Variants in TBC1D22A observed in about 807,000 individuals in gnomAD.
TBC1D22A encodes TBC1 domain family member 22A.
Under a neutral mutation model 60.2 loss-of-function variants are expected in TBC1D22A, and 38 were observed. The observed-to-expected ratio is 0.63, with a 90% CI of 0.49 to 0.83. The LOEUF (loss-of-function observed/expected upper bound fraction) is 0.83. TBC1D22A is among the 40% of genes least tolerant of loss of function. The pLI is 0.00. For missense variants in TBC1D22A, 628 were observed against 701.0 expected (o/e 0.90, Z 1.18); for synonymous variants, 302 against 281.7 (o/e 1.07, Z -0.72).
chr22:46,919,020 C>T (rs571247091), intron 8 of TBC1D22A, among the ~76,000 whole-genome samples: 2 of 152,236 alleles, frequency 1.3e-5, no homozygotes, highest in East Asian at 1.9e-4. Flanking sequence ...GAAACCATAA[C>T]GTTTACCCAC....
intron 11 of TBC1D22A, among the ~76,000 whole-genome samples, chr22:47,046,881 C>A (rs1306253035): frequency 1.3e-5 from 2 of 152,202 alleles, no homozygotes; most frequent in Non-Finnish European, 2.9e-5. Context: ...CCTGTGCAGG[C>A]AGCCTGGGAG....
At chr22:47,168,751 C>T (rs1251748216) in intron 12 of TBC1D22A, among the ~76,000 whole-genome samples, 2 of 150,482 alleles carry the variant, frequency 1.3e-5, no homozygotes, top group African/African-American at 4.9e-5. Context: ...TCTCACCCTT[C>T]CTGGGAAGGC....
intron 12 of TBC1D22A, among the ~76,000 whole-genome samples, chr22:47,139,684 G>A (rs2067007334): frequency 6.6e-6 from 1 of 152,220 alleles, no homozygotes; most frequent in Non-Finnish European, 1.5e-5. Flanking sequence ...CCACTTAGGA[G>A]GAGGCGCGGT....
In TBC1D22A at chr22:47,056,411, C is replaced by T. The variant is rs576291595; in HGVS notation, c.1329+19213C>T. 3.9e-5 allele frequency among the ~76,000 whole-genome samples: 6 copies of T among 152,230 alleles called. No homozygotes were observed. The East Asian group carries it at 7.7e-4, about 20-fold the overall frequency. On this transcript the variant is annotated intron_variant, in intron 11 of 12. Coordinates refer to ENST00000337137, the MANE Select transcript of TBC1D22A (RefSeq NM_014346.5). ...GGTTGATTTGACTTCACCATGGAGC[C>T]CTGAGCGATATCCTTCAGAATGAGC...
intron 1 of TBC1D22A, among the ~76,000 whole-genome samples, chr22:46,781,870 G>T (rs2083954823): frequency 6.6e-6 from 1 of 152,184 alleles, no homozygotes; most frequent in African/African-American, 2.4e-5. Context: ...AGCAGGATGT[G>T]TACCCATTGA....
chr22:47,158,938 TAC>T (rs993768579), intron 12 of TBC1D22A, among the ~76,000 whole-genome samples: 6 of 150,930 alleles, frequency 4.0e-5, no homozygotes, highest in East Asian at 1.9e-4. Flanking sequence ...ACTCACCATG[TAC>T]ACACACACAC....
At chr22:46,884,595 A>T (rs886646504) in intron 5 of TBC1D22A, among the ~76,000 whole-genome samples, 1 of 152,188 alleles carries the variant, frequency 6.6e-6, no homozygotes, top group Non-Finnish European at 1.5e-5. Context: ...CAGCCAGTCA[A>T]CACCCTGGGC....
chr22:46,981,233 A>G (rs1228820837), intron 9 of TBC1D22A, among the ~76,000 whole-genome samples: 1 of 150,402 alleles, frequency 6.6e-6, no homozygotes, highest in Non-Finnish European at 1.5e-5. Flanking sequence ...GCACATGTAC[A>G]TAAGTATGAT....
At position 46,968,486 on chromosome 22, in the gene TBC1D22A, C is replaced by T. The variant is rs369645932; in HGVS notation, c.1016-5804C>T. Among the ~76,000 whole-genome samples the T allele has an allele frequency of 3.3e-5, 5 of 149,442 alleles. No homozygotes were observed. In the East Asian group the frequency reaches 9.7e-4, roughly 29 times the overall value. On this transcript the variant is annotated intron_variant, in intron 8 of 12. Transcript: ENST00000337137. ...AGTGCTTTGTCAGTTGGTGGGCAGG[C>T]GTCCTCACTGCGTGGCCGGCGGTCC... is the stretch of plus-strand genomic sequence containing the variant.
intron 11 of TBC1D22A, among the ~76,000 whole-genome samples, chr22:47,056,432 T>C (rs1170423201): frequency 6.6e-6 from 1 of 152,136 alleles, no homozygotes; most frequent in Non-Finnish European, 1.5e-5. Context: ...TCCTTCAGAA[T>C]GAGCCTGCGC....
At chr22:47,159,990 C>T (rs1342955639) in intron 12 of TBC1D22A, among the ~76,000 whole-genome samples, 1 of 152,036 alleles carries the variant, frequency 6.6e-6, no homozygotes, top group Non-Finnish European at 1.5e-5. Context: ...CTCACACACA[C>T]CCCACACACA....
chr22:47,151,880 G>C (rs991977609), intron 12 of TBC1D22A, among the ~76,000 whole-genome samples: 1 of 152,324 alleles, frequency 6.6e-6, no homozygotes, highest in South Asian at 2.1e-4. Context: ...GTGCAGCCCA[G>C]TGACCTGCAC....
chr22:47,011,749 G>C (rs2061758845), intron 10 of TBC1D22A, among the ~76,000 whole-genome samples: 1 of 152,106 alleles, frequency 6.6e-6, no homozygotes, highest in Non-Finnish European at 1.5e-5. Context: ...TTTCTTCTTA[G>C]CTTTTGTTTT....
At chr22:46,814,897 A>T (rs1014966115) in intron 4 of TBC1D22A, among the ~76,000 whole-genome samples, 2 of 150,554 alleles carry the variant, frequency 1.3e-5, no homozygotes, top group Non-Finnish European at 3.0e-5. Flanking sequence ...CAGGTGATCC[A>T]CCCACCTCAC....
At chr22:47,135,004 C>T (rs917250409) in intron 12 of TBC1D22A, among the ~76,000 whole-genome samples, 1 of 152,262 alleles carries the variant, frequency 6.6e-6, no homozygotes, top group African/African-American at 2.4e-5. Flanking sequence ...CCCGCTCCCT[C>T]AGGCCTCAGC....
chr22:46,797,488 C>A lies in TBC1D22A; in HGVS notation c.505C>A (p.Pro169Thr). The change falls in exon 4 of 13, where the codon CCA becomes ACA. Residue 169 changes from proline to threonine, a missense_variant. Coordinates refer to ENST00000337137, the MANE Select transcript of TBC1D22A (RefSeq NM_014346.5). ...AAPLQRSQSL[P>T]HSATVTLGGT... The stretch of plus-strand genomic sequence containing the variant: ...CCCTCTGCAGAGGTCCCAGTCTCTC[C>A]CACACTCGGCCACCGTCACGCTGGG... The A allele has an allele frequency of 1.2e-6, 2 of 1,613,702 alleles. No individual in the cohort carries two copies. Among genetic ancestry groups the A allele is most frequent in the African/African-American group, 2.7e-5 (2 of 75,016 alleles).
intron 8 of TBC1D22A, among the ~76,000 whole-genome samples, chr22:46,959,935 A>G (rs1337042680): frequency 6.6e-6 from 1 of 152,170 alleles, no homozygotes; most frequent in African/African-American, 2.4e-5. Flanking sequence ...GACACCTCTG[A>G]AAGTCTCCTT....
At chr22:46,978,373 C>T (rs2074385627) in intron 9 of TBC1D22A, among the ~76,000 whole-genome samples, 1 of 152,188 alleles carries the variant, frequency 6.6e-6, no homozygotes, top group Non-Finnish European at 1.5e-5. Flanking sequence ...AATCCCATTA[C>T]ATATTATTAT....
chr22:46,792,356 C>T (rs1341366676), intron 1 of TBC1D22A, among the ~76,000 whole-genome samples, 164 bp from the exon 2 acceptor site: 1 of 152,138 alleles, frequency 6.6e-6, no homozygotes, highest in South Asian at 2.1e-4. Context: ...CTGAACTGGG[C>T]CCTCAGGACC....
Sources: gnomAD v4.1 joint callset for allele counts (sites outside exome capture counted in the v4.1 genomes callset) on GRCh38, gnomAD v4.1.1 for gene constraint, MANE v1.5 for transcripts, NCBI Gene and HGNC (gene_info 2026-07-23, HGNC 2026-07-21) for gene names.